Variants in SH3PXD2B observed in about 807,000 individuals in gnomAD.
The protein encoded by SH3PXD2B is SH3 and PX domain-containing protein 2B.
A neutral mutation model predicts 73.1 loss-of-function variants in SH3PXD2B; 37 were observed. The ratio of observed to expected loss-of-function variants is 0.51; its 90% CI spans 0.39 to 0.67. The LOEUF (loss-of-function observed/expected upper bound fraction) is 0.67, where lower values mean the gene tolerates loss of function less well. Among genes scored for constraint, SH3PXD2B ranks in the 30% least tolerant of loss-of-function variants. SH3PXD2B has a pLI of 0.00. For synonymous variants in SH3PXD2B, 457 were observed against 480.5 expected, an observed-to-expected ratio of 0.95 and a Z score of 0.64; for missense variants, 1,053 against 1,197.8, an observed-to-expected ratio of 0.88 and a Z score of 1.78.
Position 172,337,301 on chromosome 5 carries a change from C to A in SH3PXD2B, c.*1068G>T. 1 of 985,620 alleles carries A rather than the reference C, an allele frequency of 1.0e-6. No homozygotes were observed. Among genetic ancestry groups the A allele is most frequent in the Non-Finnish European group, 1.2e-6 (1 of 830,062 alleles). 61.1% of individuals were successfully genotyped at this position (985,620 alleles called of 1,614,324 possible). A position where few individuals can be genotyped will look rare whatever the true frequency, so the allele number is the denominator to read the frequency against. On this transcript the variant is annotated 3_prime_UTR_variant, in exon 13 of 13. Coordinates refer to ENST00000311601, the MANE Select transcript of SH3PXD2B (RefSeq NM_001017995.3). ...TTAGCCAGCTTCTATCTCTTCCCTG[C>A]CTGGTTTGTCTTTTACAGAGGGGAG...
In SH3PXD2B at chr5:172,421,595, C is replaced by T. The variant is rs1010693058; in HGVS notation, c.156+821G>A. 2.2e-4 allele frequency among the ~76,000 whole-genome samples: 33 copies of T among 152,118 alleles called. No homozygotes were observed. The highest frequency in any genetic ancestry group is 1.3e-4 in the Non-Finnish European group (9 of 68,034). On this transcript the variant is annotated intron_variant, in intron 2 of 12. Transcript: ENST00000311601. This position sits in a 1 kb window ranked among gnomAD's most constrained non-coding sequence, Gnocchi z 4.0. ...GTAGGGGCACAGAATGGGTGGCCCTCGCTGGCCAGGGAACAAAGGCAAGGT... is the reference window on the plus strand; with the variant it reads ...GTAGGGGCACAGAATGGGTGGCCCTTGCTGGCCAGGGAACAAAGGCAAGGT...
chr5:172,360,018 G>C (rs879745085), intron 7 of SH3PXD2B, among the ~76,000 whole-genome samples: 1 of 152,156 alleles, frequency 6.6e-6, no homozygotes, highest in African/African-American at 2.4e-5. Flanking sequence ...GATCCTATTC[G>C]GAACCTAAAG....
intron 1 of SH3PXD2B, among the ~76,000 whole-genome samples, chr5:172,430,771 C>G: frequency 6.6e-6 from 1 of 152,240 alleles, no homozygotes; most frequent in East Asian, 1.9e-4. Flanking sequence ...CCTCCAAAAG[C>G]CACTTTTCTT....
At position 172,416,793 on chromosome 5, in the gene SH3PXD2B, C is replaced by T. The variant is rs186465852; in HGVS notation, c.156+5623G>A. Among the ~76,000 whole-genome samples the T allele has an allele frequency of 4.1e-3, 600 of 146,776 alleles. 6 individuals carry two copies. The highest frequency in any genetic ancestry group is 6.3e-3 in the Non-Finnish European group (425 of 67,198). On this transcript the variant is annotated intron_variant, in intron 2 of 12. Transcript: ENST00000311601. ...GCACAATCTCAGCTCACTGCAGCCT[C>T]GACCTGCTAGGCTCAAGGGATCCTC...
chr5:172,435,422 G>C (rs1271834520), intron 1 of SH3PXD2B, among the ~76,000 whole-genome samples: 3 of 132,090 alleles, frequency 2.3e-5, no homozygotes, highest in Non-Finnish European at 5.3e-5. Flanking sequence ...GTATCTGGAG[G>C]TATTTGTTTG....
intron 9 of SH3PXD2B, among the ~76,000 whole-genome samples, chr5:172,352,727 C>G (rs940016376): frequency 1.3e-5 from 2 of 152,138 alleles, no homozygotes; most frequent in Admixed American, 6.5e-5. Context: ...TCCACTTTTG[C>G]TTCTTCCTCA....
At chr5:172,354,198 G>C (rs369709945) in intron 8 of SH3PXD2B, among the ~76,000 whole-genome samples, 193 bp from the exon 9 acceptor site, 1 of 151,374 alleles carries the variant, frequency 6.6e-6, no homozygotes, top group African/African-American at 2.4e-5. Context: ...GGTAGATCTC[G>C]ATCCCTCTGA....
chr5:172,386,584 T>G (rs1285073277), intron 4 of SH3PXD2B, among the ~76,000 whole-genome samples: 3 of 90,216 alleles, frequency 3.3e-5, no homozygotes, highest in African/African-American at 1.8e-4. Flanking sequence ...GTTGTTTTAT[T>G]GTTTTTATTT....
In SH3PXD2B at chr5:172,334,585, G is replaced by A. The variant is rs1211518912; in HGVS notation, c.*3784C>T. On this transcript the variant is annotated 3_prime_UTR_variant, in exon 13 of 13. Coordinates refer to ENST00000311601, the MANE Select transcript of SH3PXD2B (RefSeq NM_001017995.3). ...TGTCACAGTCCAAAGAGAAAGGTAC[G>A]GCCTCCAAGGGGGCAGCTTAAGCCA... 4 of 985,378 alleles carry A rather than the reference G, an allele frequency of 4.1e-6. No individual in the cohort carries two copies. Among genetic ancestry groups the A allele is most frequent in the East Asian group, 1.1e-4 (1 of 8,828 alleles). The allele number at this position is 985,378 out of a possible 1,614,324, so 61.0% of individuals were successfully genotyped here. A position where few individuals can be genotyped will look rare whatever the true frequency, so the allele number is the denominator to read the frequency against.
At chr5:172,325,299 C>T (rs770108337) in exon 13 of SH3PXD2B, 45 of 1,535,138 alleles carry the variant, frequency 2.9e-5, no homozygotes, top group South Asian at 2.7e-4. Context: ...GAAGCTGCCA[C>T]GTGCTTCCCA....
intron 2 of SH3PXD2B, among the ~76,000 whole-genome samples, chr5:172,408,182 G>T (rs142257872): frequency 1.3e-4 from 19 of 151,616 alleles, no homozygotes; most frequent in Middle Eastern, 3.2e-3. Flanking sequence ...TTTTCCCTTG[G>T]TCGCTAGCTA....
At position 172,394,775 on chromosome 5, in the gene SH3PXD2B, C is replaced by T. The variant is rs780022044; in HGVS notation, c.233-136G>A. ...AATTCCTGGCTGCGATCAAGGTACC[C>T]CCACTGGACTTCCGTGAGGCTTGGA... is the stretch of plus-strand genomic sequence containing the variant. On this transcript the variant is annotated intron_variant, in intron 3 of 12. Transcript: ENST00000311601. The T allele has an allele frequency of 1.1e-4, 91 of 824,468 alleles. 1 individual carries two copies. The highest frequency in any genetic ancestry group is 1.7e-4 in the Non-Finnish European group (84 of 501,112). The allele number at this position is 824,468 out of a possible 1,614,324, so 51.1% of individuals were successfully genotyped here.
intron 3 of SH3PXD2B, among the ~76,000 whole-genome samples, chr5:172,396,202 A>G (rs1204557316): frequency 1.8e-5 from 1 of 55,200 alleles, no homozygotes; most frequent in African/African-American, 5.7e-5. Context: ...AAAATACAAA[A>G]AAAAAAAAAA....
intron 9 of SH3PXD2B, among the ~76,000 whole-genome samples, chr5:172,351,024 T>A (rs886112365): frequency 1.3e-5 from 2 of 152,214 alleles, no homozygotes; most frequent in African/African-American, 4.8e-5. Flanking sequence ...GCTCGCCAAG[T>A]GGCAGCTGGC....
chr5:172,451,567 C>A (rs769089009), intron 1 of SH3PXD2B, among the ~76,000 whole-genome samples: 1 of 152,084 alleles, frequency 6.6e-6, no homozygotes, highest in Non-Finnish European at 1.5e-5. Flanking sequence ...GAAACTCTGC[C>A]CTTGAGGGAT....
At position 172,339,813 on chromosome 5, in the gene SH3PXD2B, G is replaced by C. The variant is rs534796248; in HGVS notation, c.1292C>G (p.Ala431Gly). 179 of 1,613,942 alleles carry C rather than the reference G, an allele frequency of 1.1e-4. No homozygotes were observed. The highest frequency in any genetic ancestry group is 1.5e-4 in the Non-Finnish European group (176 of 1,179,766). Residue 431 changes from alanine (A) to glycine (G), a missense_variant, in exon 13 of 13, where the codon GCG (alanine) becomes GGG (glycine). This residue lies in a region of SH3PXD2B where 466 missense variants were observed against 607.1 expected (regional missense o/e 0.77). Coordinates refer to ENST00000311601, the MANE Select transcript of SH3PXD2B (RefSeq NM_001017995.3). The surrounding 1 kb of genome is among the most constrained non-coding windows in gnomAD (Gnocchi z 6.1). ...GGGAGCCAGAAAGTTGGGTCTCGAC[G>C]CGTTGCTCGTCTTCTTGTACTTGTC... Reference protein sequence around the residue: ...FIDKYKKTSNASRPNFLAPLP... With the variant: ...FIDKYKKTSNGSRPNFLAPLP...
intron 1 of SH3PXD2B, among the ~76,000 whole-genome samples, chr5:172,431,468 A>G (rs971945641): frequency 1.3e-5 from 2 of 152,218 alleles, no homozygotes; most frequent in African/African-American, 4.8e-5. Flanking sequence ...GGCTACTATG[A>G]CGCACAACAG....
At chr5:172,396,509 C>T (rs1295425116) in intron 3 of SH3PXD2B, among the ~76,000 whole-genome samples, 1 of 151,992 alleles carries the variant, frequency 6.6e-6, no homozygotes, top group African/African-American at 2.4e-5. Context: ...CCTAAAAGAC[C>T]ATGTAGCTAA....
intron 5 of SH3PXD2B, among the ~76,000 whole-genome samples, chr5:172,378,496 G>T (rs1374227989): frequency 1.3e-5 from 2 of 152,170 alleles, no homozygotes; most frequent in South Asian, 4.1e-4. Flanking sequence ...AGTGGTCCAA[G>T]ATGCTCCCCA....
Sources: allele counts gnomAD v4.1 joint callset (sites outside exome capture counted in the v4.1 genomes callset), GRCh38; gene constraint gnomAD v4.1.1; regional missense constraint gnomAD v4.1.1; non-coding constraint Gnocchi (gnomAD v3.1); transcripts MANE v1.5; gene names NCBI Gene and HGNC (gene_info 2026-07-23, HGNC 2026-07-21).